RBMS3: variants seen among roughly 807,000 people sequenced by gnomAD.
The protein encoded by RBMS3 is RNA binding motif single stranded interacting protein 3.
Under a neutral mutation model 66.8 loss-of-function variants are expected in RBMS3, and 27 were observed. That is an observed-to-expected ratio of 0.40 (90% confidence interval 0.30 to 0.56). RBMS3 has a LOEUF of 0.56. Ranked by LOEUF, RBMS3 falls within the 20% of genes least tolerant of loss-of-function variation. The probability of loss-of-function intolerance (pLI) is 0.40; values close to 1 mark genes in which losing one functional copy is unlikely to be tolerated. For synonymous variants in RBMS3, 188 were observed against 183.0 expected (o/e 1.03, Z -0.22); for missense variants, 513 against 549.5 (o/e 0.93, Z 0.66).
intron 10 of RBMS3, among the ~76,000 whole-genome samples, chr3:29,928,559 C>G (rs945384242): frequency 6.6e-6 from 1 of 152,026 alleles, no homozygotes; most frequent in Non-Finnish European, 1.5e-5. Flanking sequence ...AAAGCAAAGA[C>G]TAAGGACTAT....
intron 3 of RBMS3, among the ~76,000 whole-genome samples, chr3:29,519,316 G>A (rs985419268): frequency 5.9e-5 from 9 of 152,250 alleles, no homozygotes; most frequent in Non-Finnish European, 1.2e-4. Context: ...CAGATTGAGG[G>A]AATTCAAGAA....
chr3:29,992,775 T>C (rs1490755656), intron 14 of RBMS3, among the ~76,000 whole-genome samples: 1 of 144,742 alleles, frequency 6.9e-6, no homozygotes, highest in African/African-American at 2.5e-5. Flanking sequence ...TGAAGGCAGA[T>C]CAAGGAATGA....
intron 2 of RBMS3, among the ~76,000 whole-genome samples, chr3:29,476,624 T>A (rs1213441929): frequency 6.6e-6 from 1 of 152,178 alleles, no homozygotes; most frequent in Non-Finnish European, 1.5e-5. Context: ...ATTGACAAAA[T>A]AGCTGTGGTC....
At chr3:29,940,198 C>T (rs2061357520) in intron 11 of RBMS3, among the ~76,000 whole-genome samples, 1 of 151,874 alleles carries the variant, frequency 6.6e-6, no homozygotes, top group Non-Finnish European at 1.5e-5. Flanking sequence ...GTAATAGTTT[C>T]CTAACCGTTC....
intron 3 of RBMS3, among the ~76,000 whole-genome samples, chr3:29,513,572 T>G (rs1420224657): frequency 6.6e-6 from 1 of 152,180 alleles, no homozygotes; most frequent in Non-Finnish European, 1.5e-5. Flanking sequence ...CCACATTTTA[T>G]TTTTTCACAT....
chr3:29,799,736 T>C (rs766445190), intron 6 of RBMS3, among the ~76,000 whole-genome samples: 4 of 152,184 alleles, frequency 2.6e-5, no homozygotes, highest in Non-Finnish European at 4.4e-5. Context: ...AAAATGTACA[T>C]TGATGAAAAC....
intron 4 of RBMS3, among the ~76,000 whole-genome samples, chr3:29,694,995 T>G (rs1417987871): frequency 6.6e-6 from 1 of 152,170 alleles, no homozygotes; most frequent in Non-Finnish European, 1.5e-5. Flanking sequence ...ACTGCACTTA[T>G]AGGCTGGTGA....
intron 3 of RBMS3, among the ~76,000 whole-genome samples, chr3:29,509,419 G>C (rs768732441): frequency 6.6e-6 from 1 of 152,124 alleles, no homozygotes; most frequent in African/African-American, 2.4e-5. Flanking sequence ...ATATATGATA[G>C]CAGTTTTTTC....
At chr3:29,865,328 A>G (rs2059334120) in intron 6 of RBMS3, among the ~76,000 whole-genome samples, 1 of 152,166 alleles carries the variant, frequency 6.6e-6, no homozygotes, top group South Asian at 2.1e-4. Flanking sequence ...CCTTATAAGA[A>G]CCATTGTTAG....
chr3:29,285,586 G>T (rs1017145926), intron 1 of RBMS3, among the ~76,000 whole-genome samples: 2 of 152,124 alleles, frequency 1.3e-5, no homozygotes, highest in Non-Finnish European at 2.9e-5. Context: ...AGGTCTTGAA[G>T]AAAGAGGTTC....
intron 6 of RBMS3, among the ~76,000 whole-genome samples, chr3:29,778,127 G>A (rs2056489654): frequency 6.6e-6 from 1 of 151,860 alleles, no homozygotes; most frequent in Non-Finnish European, 1.5e-5. Flanking sequence ...CCTCAGTTAA[G>A]TTTGGCACAG....
chr3:29,710,665 C>T (rs976591743), intron 4 of RBMS3, among the ~76,000 whole-genome samples: 2 of 152,092 alleles, frequency 1.3e-5, no homozygotes, highest in African/African-American at 2.4e-5. Flanking sequence ...AACCATAATC[C>T]GTCTCATTTC....
intron 4 of RBMS3, among the ~76,000 whole-genome samples, chr3:29,695,568 CT>C (rs367555907): frequency 1.3e-5 from 2 of 152,044 alleles, no homozygotes; most frequent in East Asian, 1.9e-4. Flanking sequence ...ATTTTTTCCC[CT>C]TTTTTTCTTC....
intron 6 of RBMS3, among the ~76,000 whole-genome samples, chr3:29,773,069 CT>C (rs2149398013): frequency 6.6e-6 from 1 of 152,088 alleles, no homozygotes; most frequent in Admixed American, 6.6e-5. Context: ...AACCTTAATA[CT>C]TGCTTTCAAT....
chr3:29,977,583 A>G (rs377200937), intron 12 of RBMS3, among the ~76,000 whole-genome samples: 14 of 152,248 alleles, frequency 9.2e-5, no homozygotes, highest in African/African-American at 2.6e-4. Flanking sequence ...TTTTGGAACA[A>G]GGCATGGAGT....
chr3:29,575,453 T>G (rs2047087943), intron 3 of RBMS3, among the ~76,000 whole-genome samples: 1 of 152,060 alleles, frequency 6.6e-6, no homozygotes, highest in Non-Finnish European at 1.5e-5. Context: ...TTTTGGAGGT[T>G]TGATTATTAG....
intron 1 of RBMS3, among the ~76,000 whole-genome samples, chr3:29,421,878 G>A (rs2040752289): frequency 6.6e-6 from 1 of 152,134 alleles, no homozygotes; most frequent in African/African-American, 2.4e-5. Context: ...AATCACACAA[G>A]CCAGAGTTGG....
chr3:29,448,098 A>G (rs908867969), intron 2 of RBMS3, among the ~76,000 whole-genome samples: 1 of 152,250 alleles, frequency 6.6e-6, no homozygotes. Context: ...GGTGACCTGC[A>G]TGTCTCAACA....
At chr3:29,962,265 T>C (rs182661629) in intron 12 of RBMS3, among the ~76,000 whole-genome samples, 110 of 151,464 alleles carry the variant, frequency 7.3e-4, no homozygotes, top group African/African-American at 2.5e-3. Context: ...TAAAATGATA[T>C]AAGTAGGAAG....
Sources: gnomAD v4.1 joint callset for allele counts (sites outside exome capture counted in the v4.1 genomes callset) on GRCh38, gnomAD v4.1.1 for gene constraint, MANE v1.5 for transcripts, NCBI Gene and HGNC (gene_info 2026-07-23, HGNC 2026-07-21) for gene names.